The following FLNC variants were observed in gnomAD, a reference collection of about 807,000 sequenced individuals.
FLNC encodes the protein filamin C.
Under a neutral mutation model 254.3 loss-of-function variants are expected in FLNC, and 91 were observed. The ratio of observed to expected loss-of-function variants is 0.36; its 90% CI spans 0.30 to 0.43. FLNC has a LOEUF of 0.43. Ranked by LOEUF, FLNC falls within the 20% of genes least tolerant of loss-of-function variation. The pLI, the probability that FLNC is intolerant of heterozygous loss-of-function variation, is 1.00. For synonymous variants in FLNC, 1,430 were observed against 1,577.2 expected (o/e 0.91, Z 2.21); for missense variants, 2,853 against 3,802.6 (o/e 0.75, Z 6.57).
In FLNC at chr7:128,858,364, C is replaced by T. The variant is rs112180788; in HGVS notation, c.8019C>T (p.His2673=). ...AGTNMMMVGV[H]GPKTPCEEVY... ...CCAACATGATGATGGTGGGCGTGCA[C>T]GGCCCCAAGACCCCCTGTGAGGAGG... The change falls in exon 48 of 48, where the codon CAC becomes CAT. Residue 2673 remains histidine (H), a synonymous_variant. Transcript: ENST00000325888. The surrounding 1 kb of genome is among the most constrained non-coding windows in gnomAD (Gnocchi z 6.7). 36 of 1,572,012 alleles carry T rather than the reference C, an allele frequency of 2.3e-5. No individual in the cohort carries two copies. The highest frequency in any genetic ancestry group is 1.9e-4 in the Middle Eastern group (1 of 5,286).
chr7:128,853,369 C>T (rs368468993), intron 37 of FLNC, 100 bp from the exon 38 acceptor site: 22 of 1,454,400 alleles, frequency 1.5e-5, no homozygotes, highest in East Asian at 1.4e-4. Context: ...CTACACACAT[C>T]GGTGCCCATT....
At chr7:128,851,135 G>A in intron 33 of FLNC, 97 bp from the exon 34 acceptor site, 1 of 1,593,100 alleles carries the variant, frequency 6.3e-7, no homozygotes, top group South Asian at 1.1e-5. Context: ...CACAGACGGA[G>A]GGGGTTGGCA....
rs1159701068 is a variant in FLNC at position 128,848,029 on chromosome 7, C to T, written c.4541C>T (p.Thr1514Met). Reference protein sequence around the residue: ...HYTPATDGPYTVAVKYADQEV... With the variant: ...HYTPATDGPYMVAVKYADQEV... ...ACCCCAGCCACTGACGGGCCCTACA[C>T]GGTAGCCGTCAAGTATGCTGACCAG... The change falls in exon 26 of 48, where the codon ACG becomes ATG. Residue 1514 changes from threonine to methionine, a missense_variant. Transcript: ENST00000325888. 8.1e-6 allele frequency: 13 copies of T among 1,606,824 alleles called. No individual in the cohort carries two copies. The highest frequency in any genetic ancestry group is 4.0e-5 in the African/African-American group (3 of 74,762).
rs3800583 is a variant in FLNC at position 128,833,148 on chromosome 7, C to T, written c.352+2159C>T. Among the ~76,000 whole-genome samples, 30 of 152,350 alleles carry T rather than the reference C, an allele frequency of 2.0e-4. 1 individual carries two copies. The East Asian group carries it at 5.8e-3, about 29-fold the overall frequency. ...TATCCTCACCACCTTGTCCTGGCCC[C>T]CCGTTGCCCCTCGTTCCCTCCGAAC... On this transcript the variant is annotated intron_variant, in intron 1 of 47. Coordinates refer to ENST00000325888, the MANE Select transcript of FLNC (RefSeq NM_001458.5).
intron 1 of FLNC, 98 bp downstream of exon 1, chr7:128,831,087 C>A: frequency 1.7e-6 from 2 of 1,175,374 alleles, no homozygotes; most frequent in Non-Finnish European, 2.4e-6. Context: ...AGCTGAGAGA[C>A]AGGGCGGAGG....
At chr7:128,838,524 G>A in intron 7 of FLNC, 79 bp from the exon 8 acceptor site, 1 of 1,595,198 alleles carries the variant, frequency 6.3e-7, no homozygotes, top group Non-Finnish European at 8.6e-7. Flanking sequence ...GCCAGCCAGA[G>A]GGTGGGCAGC....
Position 128,843,302 on chromosome 7 carries a change from C to G in FLNC, c.2624C>G (p.Pro875Arg), listed in dbSNP as rs1418979185. 4 of 1,613,062 alleles carry G rather than the reference C, an allele frequency of 2.5e-6. No homozygotes were observed. In the East Asian group the frequency reaches 6.7e-5, roughly 27 times the overall value. Residue 875 changes from proline (P) to arginine (R), a missense_variant, in exon 17 of 48, where the codon CCT becomes CGT. By Grantham distance (103) the Pro-to-Arg change is moderately radical. Around this residue, in one of 10 missense-constraint regions of FLNC, gnomAD observed 1,573 missense variants for 1,883.5 expected, o/e 0.84. Coordinates refer to ENST00000325888, the MANE Select transcript of FLNC (RefSeq NM_001458.5). ...HDASKVKAEG[P>R]GLNRTGVEVG... ...GCCAGCAAAGTCAAGGCCGAGGGCC[C>G]TGGGCTGAATCGCACAGGTGAGTGT...
intron 2 of FLNC, 135 bp from the exon 3 acceptor site, chr7:128,837,025 C>A: frequency 1.5e-6 from 1 of 683,026 alleles, no homozygotes; most frequent in South Asian, 1.7e-5. Flanking sequence ...TCAGCAGGAA[C>A]CTGGCTGGTC....
rs774361595 is a variant in FLNC, at chr7:128,844,137, G to A, written c.3063G>A (p.Ala1021=). 15 of 1,613,838 alleles carry A rather than the reference G, an allele frequency of 9.3e-6. No individual in the cohort carries two copies. Among genetic ancestry groups the A allele is most frequent in the Admixed American group, 5.0e-5 (3 of 60,008 alleles). The change falls in exon 20 of 48, where the codon GCG becomes GCA. Residue 1021 remains alanine, a synonymous_variant. Coordinates refer to ENST00000325888, the MANE Select transcript of FLNC (RefSeq NM_001458.5). ...IPCKLEPGGG[A]EAQAVRYMPP... is the part of the protein sequence containing the mutation. Reference sequence around the variant, plus strand: ...GCAAGCTGGAGCCAGGCGGTGGAGCGGAAGCCCAGGCTGTGCGCTACATGC... The same window carrying A: ...GCAAGCTGGAGCCAGGCGGTGGAGCAGAAGCCCAGGCTGTGCGCTACATGC...
rs1316164536 is a variant in FLNC, at chr7:128,842,958, C to G, written c.2550+4C>G. ...CATGGTGCTGTTTGCCAACCAGGTA[C>G]CTAAGCTCCTGGGTACTCACAGCGA... On this transcript the variant is annotated splice_donor_region_variant and intron_variant, in intron 16 of 47. Transcript: ENST00000325888. The surrounding 1 kb of genome is among the most constrained non-coding windows in gnomAD (Gnocchi z 5.4). 1 of 1,613,700 alleles carries G rather than the reference C, an allele frequency of 6.2e-7. No homozygotes were observed. The highest frequency in any genetic ancestry group is 8.5e-7 in the Non-Finnish European group (1 of 1,180,004).
Position 128,858,722 on chromosome 7 carries a change from G to A in FLNC, c.*199G>A. The A allele has an allele frequency of 1.7e-6, 1 of 604,648 alleles. No homozygotes were observed. 37.5% of individuals were successfully genotyped at this position (604,648 alleles called of 1,614,324 possible). ...GGGTTGGAGGACCTTGTCTGTGTCAGGACAGTGTCCCTCCCTGGGAATGTG... is the reference window on the plus strand; with the variant it reads ...GGGTTGGAGGACCTTGTCTGTGTCAAGACAGTGTCCCTCCCTGGGAATGTG... On this transcript the variant is annotated 3_prime_UTR_variant, in exon 48 of 48. Transcript: ENST00000325888. This position sits in a 1 kb window ranked among gnomAD's most constrained non-coding sequence, Gnocchi z 6.7.
At position 128,854,015 on chromosome 7, in the gene FLNC, C is replaced by G; in HGVS notation, c.6526C>G (p.Arg2176Gly). The G allele has an allele frequency of 6.2e-7, 1 of 1,613,256 alleles. No homozygotes were observed. Among genetic ancestry groups the G allele is most frequent in the Non-Finnish European group, 8.5e-7 (1 of 1,180,020 alleles). Residue 2176 changes from arginine (R) to glycine (G), a missense_variant, in exon 40 of 48, where the codon CGC (arginine) becomes GGC (glycine). Physicochemically the swap from Arg to Gly is moderately radical, Grantham distance 125 (BLOSUM62 -2). Around this residue, in one of 10 missense-constraint regions of FLNC, gnomAD observed 551 missense variants for 835.0 expected, o/e 0.66. Transcript: ENST00000325888. ...QMVSAQERLT[R>G]TFTRSSHTYT... ...GGTGTCTGCCCAGGAGCGCCTGACA[C>G]GCACCTTCACACGCAGCAGCCACAC...
At chr7:128,849,778 C>A (rs777167714) in intron 30 of FLNC, among the ~76,000 whole-genome samples, 198 bp from the exon 31 acceptor site, 4 of 152,236 alleles carry the variant, frequency 2.6e-5, no homozygotes, top group African/African-American at 9.6e-5. Context: ...CTGCCCCCTG[C>A]CCAGTGCTGT....
rs779609448 is a variant in FLNC, at chr7:128,852,779, CAG to C, written c.6004+28_6004+29del. The stretch of plus-strand genomic sequence containing the variant: ...TGAGCGTGGGGCCTCACGGGGACCT[CAG>C]GGGTGGGGGCCCACAGGATGCTCTG... On this transcript the variant is annotated intron_variant, in intron 36 of 47. Coordinates refer to ENST00000325888, the MANE Select transcript of FLNC (RefSeq NM_001458.5). 4.3e-6 allele frequency: 7 copies of C among 1,613,478 alleles called. No individual in the cohort carries two copies. The Admixed American group carries it at 1.0e-4, about 23-fold the overall frequency.
intron 6 of FLNC, 87 bp from the exon 7 acceptor site, chr7:128,838,180 C>G (rs1207093791): frequency 1.3e-6 from 2 of 1,518,170 alleles, no homozygotes; most frequent in African/African-American, 1.4e-5. Context: ...CTGCCCGCCT[C>G]TCACCCTCCT....
At position 128,854,061 on chromosome 7, in the gene FLNC, CGGA is replaced by C; in HGVS notation, c.6574_6576del (p.Glu2192del). 1 of 1,613,240 alleles carries C rather than the reference CGGA, an allele frequency of 6.2e-7. No individual in the cohort carries two copies. The highest frequency in any genetic ancestry group is 8.5e-7 in the Non-Finnish European group (1 of 1,179,986). ...CACACCTACACCCGCACGGAGCGCA[CGGA>C]GATCAGCAAGACGCGGGGCGGGGAG... is the stretch of plus-strand genomic sequence containing the variant. On this transcript the variant is annotated inframe_deletion, in exon 40 of 48. Transcript: ENST00000325888.
In FLNC at chr7:128,846,083, C is replaced by T. The variant is rs758600165; in HGVS notation, c.3884C>T (p.Pro1295Leu). The T allele has an allele frequency of 6.2e-7, 1 of 1,613,986 alleles. No homozygotes were observed. The highest frequency in any genetic ancestry group is 2.2e-5 in the East Asian group (1 of 44,882). ...GNHVTARVLNPSGAKTDTYVT... is the reference protein window; with the variant it reads ...GNHVTARVLNLSGAKTDTYVT... ...CACGTGACGGCTCGTGTGCTCAACCCCTCGGGGGCCAAGACAGACACCTAT... is the reference window on the plus strand; with the variant it reads ...CACGTGACGGCTCGTGTGCTCAACCTCTCGGGGGCCAAGACAGACACCTAT... Residue 1295 changes from proline (P) to leucine (L), a missense_variant, in exon 22 of 48, where the codon CCC (proline) becomes CTC (leucine). This residue lies in a region of FLNC where 1,573 missense variants were observed against 1,883.5 expected (regional missense o/e 0.84). Transcript: ENST00000325888.
Position 128,856,050 on chromosome 7 carries a change from C to T in FLNC, c.7252-468C>T, listed in dbSNP as rs373104696. ...CCTCCCACTCCTGAACTGGGCTCCCCGATGCAGGCTCCAATCCCTCCCCCA... is the reference window on the plus strand; with the variant it reads ...CCTCCCACTCCTGAACTGGGCTCCCTGATGCAGGCTCCAATCCCTCCCCCA... On this transcript the variant is annotated intron_variant, in intron 43 of 47. Transcript: ENST00000325888. The surrounding 1 kb of genome is among the most constrained non-coding windows in gnomAD (Gnocchi z 5.9). Among the ~76,000 whole-genome samples the T allele has an allele frequency of 1.4e-4, 21 of 152,316 alleles. No homozygotes were observed. In the East Asian group the frequency reaches 1.5e-3, roughly 11 times the overall value.
Position 128,842,686 on chromosome 7 carries a change from G to C in FLNC, c.2377G>C (p.Glu793Gln). Residue 793 changes from glutamate (E) to glutamine (Q), a missense_variant, in exon 15 of 48, where the codon GAG becomes CAG. Physicochemically the swap from Glu to Gln is conservative, Grantham distance 29 (BLOSUM62 2). Around this residue, in one of 10 missense-constraint regions of FLNC, gnomAD observed 1,573 missense variants for 1,883.5 expected, o/e 0.84. Transcript: ENST00000325888. The surrounding 1 kb of genome is among the most constrained non-coding windows in gnomAD (Gnocchi z 5.4). The stretch of plus-strand genomic sequence containing the variant: ...CACCTACTTCACGGTGGACTGCAGC[G>C]AGGCGGGGCAAGGTGCGCCCAGCCG... ...EPTYFTVDCS[E>Q]AGQGDVSIGI... 6.4e-7 allele frequency: 1 copy of C among 1,555,564 alleles called. No homozygotes were observed. The highest frequency in any genetic ancestry group is 1.2e-5 in the South Asian group (1 of 84,746).
Sources: allele counts gnomAD v4.1 joint callset (sites outside exome capture counted in the v4.1 genomes callset), GRCh38; gene constraint gnomAD v4.1.1; regional missense constraint gnomAD v4.1.1; non-coding constraint Gnocchi (gnomAD v3.1); transcripts MANE v1.5; gene names NCBI Gene and HGNC (gene_info 2026-07-23, HGNC 2026-07-21).